The following CLNK variants were observed in gnomAD, a reference collection of about 807,000 sequenced individuals.
The protein encoded by CLNK is cytokine-dependent hematopoietic cell linker.
Under a neutral mutation model 68.6 loss-of-function variants are expected in CLNK, and 74 were observed. That is an observed-to-expected ratio of 1.08 (90% CI 0.89 to 1.31). The LOEUF is 1.31. CLNK is among the 50% of genes most tolerant of loss of function. The probability of loss-of-function intolerance (pLI) is 0.00; values close to 1 mark genes in which losing one functional copy is unlikely to be tolerated. For synonymous variants in CLNK, 198 were observed against 172.2 expected (o/e 1.15, Z -1.17); for missense variants, 553 against 515.3 (o/e 1.07, Z -0.71).
chr4:10,490,850 C>T (rs1228584971), intron 18 of CLNK, among the ~76,000 whole-genome samples: 1 of 152,144 alleles, frequency 6.6e-6, no homozygotes, highest in African/African-American at 2.4e-5. Flanking sequence ...CTGCAACCTC[C>T]GCCTCCCGTG....
chr4:10,729,331 A>G, the CLNK span, among the ~76,000 whole-genome samples: 1 of 152,252 alleles, frequency 6.6e-6, no homozygotes, highest in Non-Finnish European at 1.5e-5. Flanking sequence ...GTAAATTAGT[A>G]CAGCCTCTAT....
intron 17 of CLNK, 64 bp downstream of exon 17, chr4:10,507,895 C>T: frequency 8.3e-7 from 1 of 1,198,176 alleles, no homozygotes; most frequent in Non-Finnish European, 1.2e-6. Flanking sequence ...TCTTGTGACA[C>T]ATAAGCAGAG....
chr4:10,586,336 C>CTTTTTTTTTTT (rs5856064), intron 3 of CLNK, among the ~76,000 whole-genome samples: 1 of 89,268 alleles, frequency 1.1e-5, no homozygotes. Context: ...CTTTTTTTTT[C>CTTTTTTTTTTT]TTTTTTTTTT....
At chr4:10,600,018 C>A (rs1001843798) in intron 2 of CLNK, among the ~76,000 whole-genome samples, 1 of 152,164 alleles carries the variant, frequency 6.6e-6, no homozygotes, top group Non-Finnish European at 1.5e-5. Flanking sequence ...AGATAAAACC[C>A]AAACTCTTAA....
At chr4:10,576,010 A>T (rs970815652) in intron 4 of CLNK, among the ~76,000 whole-genome samples, 10 of 152,194 alleles carry the variant, frequency 6.6e-5, no homozygotes, top group African/African-American at 2.4e-4. Context: ...CAGTGGCAAG[A>T]CGTCAGGCTC....
chr4:10,593,025 C>A (rs1211488227), intron 3 of CLNK, among the ~76,000 whole-genome samples: 2 of 152,188 alleles, frequency 1.3e-5, no homozygotes, highest in Non-Finnish European at 2.9e-5. Flanking sequence ...CAGTGCCCAG[C>A]CTGAGCATCT....
At chr4:10,727,033 A>G in the CLNK span, among the ~76,000 whole-genome samples, 28 of 152,218 alleles carry the variant, frequency 1.8e-4, no homozygotes, top group Non-Finnish European at 4.1e-4. Context: ...CAGACACAGC[A>G]GTATCCCAGG....
the CLNK span, among the ~76,000 whole-genome samples, chr4:10,714,095 T>C: frequency 6.6e-6 from 1 of 152,090 alleles, no homozygotes; most frequent in Non-Finnish European, 1.5e-5. Context: ...TGGAAGAAAG[T>C]GCCAGGGAGG....
At chr4:10,592,689 C>T (rs1721222706) in intron 3 of CLNK, among the ~76,000 whole-genome samples, 1 of 151,682 alleles carries the variant, frequency 6.6e-6, no homozygotes, top group African/African-American at 2.4e-5. Flanking sequence ...TGAGCATCTA[C>T]TTGTTGTTTG....
At chr4:10,499,398 G>C (rs1716943291) in intron 18 of CLNK, among the ~76,000 whole-genome samples, 1 of 152,158 alleles carries the variant, frequency 6.6e-6, no homozygotes, top group Admixed American at 6.6e-5. Context: ...TTAGGATTTT[G>C]AGCGTTATTC....
intron 15 of CLNK, among the ~76,000 whole-genome samples, chr4:10,515,809 C>T (rs1460979025): frequency 1.3e-5 from 2 of 152,150 alleles, no homozygotes; most frequent in Non-Finnish European, 2.9e-5. Context: ...TGTCTATTAT[C>T]TATTATTTTC....
At chr4:10,734,027 T>C in the CLNK span, among the ~76,000 whole-genome samples, 5 of 152,146 alleles carry the variant, frequency 3.3e-5, no homozygotes, top group Non-Finnish European at 7.3e-5. Context: ...TCCTTTGGAG[T>C]GGAATAGGAG....
intron 14 of CLNK, among the ~76,000 whole-genome samples, chr4:10,522,895 G>A (rs1245945755): frequency 6.6e-6 from 1 of 152,220 alleles, no homozygotes; most frequent in Non-Finnish European, 1.5e-5. Context: ...CCTGAAGCAT[G>A]AATAGGAGTA....
At chr4:10,605,644 A>G (rs973192897) in intron 2 of CLNK, among the ~76,000 whole-genome samples, 2 of 152,188 alleles carry the variant, frequency 1.3e-5, no homozygotes, top group South Asian at 2.1e-4. Flanking sequence ...CCTGCCCAAC[A>G]TGGTAAAACC....
the CLNK span, among the ~76,000 whole-genome samples, chr4:10,734,207 C>T: frequency 2.6e-5 from 4 of 152,196 alleles, no homozygotes; most frequent in Admixed American, 6.5e-5. Context: ...GATTCCCAAT[C>T]GTAGGATTTG....
intron 2 of CLNK, among the ~76,000 whole-genome samples, chr4:10,619,756 C>T (rs903906628): frequency 2.0e-5 from 3 of 152,198 alleles, no homozygotes; most frequent in African/African-American, 7.2e-5. Context: ...ATGTGATCCA[C>T]ACAGGCTCTC....
rs10488945 is a variant in CLNK, at chr4:10,488,654, T to G, written c.*1813A>C. The G allele has an allele frequency of 0.72, 109,135 of 152,160 alleles. 39,581 individuals are homozygous for G. Among genetic ancestry groups the G allele is most frequent in the Non-Finnish European group, 0.78 (53,064 of 68,004 alleles). The allele number at this position is 152,160 out of a possible 1,614,324, so 9.4% of individuals were successfully genotyped here. A position where few individuals can be genotyped will look rare whatever the true frequency, so the allele number is the denominator to read the frequency against. On this transcript the variant is annotated 3_prime_UTR_variant, in exon 19 of 19. Coordinates refer to ENST00000226951, the MANE Select transcript of CLNK (RefSeq NM_052964.4). ...AAAAGTTCCAGCTTTACAAATAGCT[T>G]CTTCATTAAATGCTCCTGATGTAAC...
Position 10,678,430 on chromosome 4 carries a change from G to T in CLNK, c.-43+6238C>A, listed in dbSNP as rs1724956717. 5.3e-5 allele frequency among the ~76,000 whole-genome samples: 8 copies of T among 152,170 alleles called. No homozygotes were observed. The South Asian group carries it at 1.7e-3, about 32-fold the overall frequency. ...ACTCTGAGGATTTGAAATTTGGCTA[G>T]GAAGGTATTCCAAAATAATTTCTAT... On this transcript the variant is annotated intron_variant, in intron 1 of 18. Transcript: ENST00000226951.
At chr4:10,713,431 G>A in the CLNK span, among the ~76,000 whole-genome samples, 1 of 152,146 alleles carries the variant, frequency 6.6e-6, no homozygotes, top group Admixed American at 6.6e-5. Context: ...TAGGAGGAAG[G>A]GGGAACAACC....
Sources: allele counts gnomAD v4.1 joint callset (sites outside exome capture counted in the v4.1 genomes callset), GRCh38; gene constraint gnomAD v4.1.1; transcripts MANE v1.5; gene names NCBI Gene and HGNC (gene_info 2026-07-23, HGNC 2026-07-21).